The following SYT1 variants were observed in gnomAD, a reference collection of about 807,000 sequenced individuals.
SYT1 encodes synaptotagmin 1.
A neutral mutation model predicts 44.8 loss-of-function variants in SYT1; 8 were observed. The ratio of observed to expected loss-of-function variants is 0.18; its 90% CI spans 0.10 to 0.32. The LOEUF is 0.32. Ranked by LOEUF, SYT1 falls within the 10% of genes least tolerant of loss-of-function variation. The probability of loss-of-function intolerance (pLI) is 1.00; values close to 1 mark genes in which losing one functional copy is unlikely to be tolerated. For synonymous variants in SYT1, 154 were observed against 188.8 expected (o/e 0.82, Z 1.51); for missense variants, 286 against 509.3 (o/e 0.56, Z 4.22).
intron 3 of SYT1, among the ~76,000 whole-genome samples, chr12:79,134,983 C>T (rs536941162): frequency 8.8e-5 from 12 of 137,120 alleles, no homozygotes; most frequent in Admixed American, 2.1e-4. Flanking sequence ...TAAATGTTCT[C>T]ACCACACACA....
At chr12:78,877,258 A>G (rs959546805) in intron 1 of SYT1, among the ~76,000 whole-genome samples, 3 of 151,424 alleles carry the variant, frequency 2.0e-5, no homozygotes, top group African/African-American at 7.3e-5. Flanking sequence ...CGGTAGGCAA[A>G]GAGAGAGCAT....
intron 4 of SYT1, among the ~76,000 whole-genome samples, chr12:79,219,094 A>G (rs1240718626): frequency 1.3e-5 from 2 of 152,064 alleles, no homozygotes; most frequent in African/African-American, 4.8e-5. Flanking sequence ...TTTAATTTGC[A>G]TTGCCTTGAT....
intron 1 of SYT1, among the ~76,000 whole-genome samples, chr12:78,930,851 C>T (rs994603015): frequency 6.6e-6 from 1 of 151,822 alleles, no homozygotes; most frequent in Non-Finnish European, 1.5e-5. Flanking sequence ...GTCTCATTTT[C>T]CTCATCTGTT....
chr12:79,259,976 G>GA (rs1315908832), intron 4 of SYT1, among the ~76,000 whole-genome samples: 1 of 152,098 alleles, frequency 6.6e-6, no homozygotes, highest in African/African-American at 2.4e-5. Context: ...GAACTCTTAT[G>GA]AAAAAATTCA....
intron 1 of SYT1, among the ~76,000 whole-genome samples, chr12:78,911,107 G>A (rs1359131841): frequency 6.6e-6 from 1 of 152,040 alleles, no homozygotes; most frequent in Non-Finnish European, 1.5e-5. Context: ...CCAAGCTTCA[G>A]TGTTGTAAAT....
At chr12:79,190,507 C>T (rs376745325) in intron 3 of SYT1, among the ~76,000 whole-genome samples, 4 of 152,066 alleles carry the variant, frequency 2.6e-5, no homozygotes, top group Admixed American at 1.3e-4. Context: ...CCATAGCTGG[C>T]GAAAAGTATG....
At position 78,930,476 on chromosome 12, in the gene SYT1, A is replaced by T. The variant is rs118148196; in HGVS notation, c.-216-47323A>T. On this transcript the variant is annotated intron_variant, in intron 1 of 10. Coordinates refer to ENST00000261205, the MANE Select transcript of SYT1 (RefSeq NM_005639.3). ...AAAGTAACAAAGAAAACAAAAAGTC[A>T]AAAGTTGGGAAAAAAAAATAGATGG... Among the ~76,000 whole-genome samples, 446 of 152,078 alleles carry T rather than the reference A, an allele frequency of 2.9e-3. 1 individual carries two copies. Among genetic ancestry groups the T allele is most frequent in the South Asian group, 8.9e-3 (43 of 4,822 alleles).
chr12:79,209,858 C>T (rs1461127163), intron 3 of SYT1, among the ~76,000 whole-genome samples: 1 of 152,204 alleles, frequency 6.6e-6, no homozygotes, highest in Non-Finnish European at 1.5e-5. Flanking sequence ...CTAACACCTT[C>T]CATAATATCT....
intron 9 of SYT1, among the ~76,000 whole-genome samples, chr12:79,396,545 G>A (rs1884877524): frequency 6.6e-6 from 1 of 152,032 alleles, no homozygotes; most frequent in Admixed American, 6.6e-5. Flanking sequence ...TACAAAACAG[G>A]ATTAAATGAA....
intron 3 of SYT1, among the ~76,000 whole-genome samples, chr12:79,059,971 T>C (rs1875254331): frequency 6.6e-6 from 1 of 152,138 alleles, no homozygotes; most frequent in Non-Finnish European, 1.5e-5. Flanking sequence ...TGTGTAATGC[T>C]AAAACCTGTG....
At position 79,451,895 on chromosome 12, in the gene SYT1, T is replaced by C. The variant is rs1010924544; in HGVS notation, c.*2771T>C. 6.6e-6 allele frequency: 1 copy of C among 152,240 alleles called. No homozygotes were observed. The highest frequency in any genetic ancestry group is 2.4e-5 in the African/African-American group (1 of 41,456). 9.4% of individuals were successfully genotyped at this position (152,240 alleles called of 1,614,324 possible). A position where few individuals can be genotyped will look rare whatever the true frequency, so the allele number is the denominator to read the frequency against. ...TTTACCTTCATTTTTGATGAGGTGATTTAAATTTTGTTTCACTTTGTGTAG... is the reference window on the plus strand; with the variant it reads ...TTTACCTTCATTTTTGATGAGGTGACTTAAATTTTGTTTCACTTTGTGTAG... On this transcript the variant is annotated 3_prime_UTR_variant, in exon 11 of 11. Transcript: ENST00000261205.
At chr12:79,144,420 G>A (rs1261513432) in intron 3 of SYT1, among the ~76,000 whole-genome samples, 1 of 152,194 alleles carries the variant, frequency 6.6e-6, no homozygotes, top group African/African-American at 2.4e-5. Flanking sequence ...CGCCCAGAAG[G>A]GCATGTCTCA....
At chr12:79,346,991 G>A (rs1882636937) in intron 8 of SYT1, among the ~76,000 whole-genome samples, 2 of 151,710 alleles carry the variant, frequency 1.3e-5, no homozygotes, top group Non-Finnish European at 1.5e-5. Context: ...AAATCCAAGT[G>A]GGCTAGAATA....
At chr12:79,139,868 T>C (rs946829405) in intron 3 of SYT1, among the ~76,000 whole-genome samples, 8 of 152,216 alleles carry the variant, frequency 5.3e-5, no homozygotes, top group Admixed American at 6.5e-5. Flanking sequence ...AGTCCTCCAT[T>C]ACCAAATTGT....
chr12:79,209,705 C>T (rs1175669672), intron 3 of SYT1, among the ~76,000 whole-genome samples: 2 of 152,164 alleles, frequency 1.3e-5, no homozygotes, highest in Non-Finnish European at 2.9e-5. Context: ...GGCTGAAATC[C>T]TTATTCTTGA....
intron 3 of SYT1, among the ~76,000 whole-genome samples, chr12:79,060,265 A>G (rs993291034): frequency 6.6e-6 from 1 of 151,926 alleles, no homozygotes; most frequent in Admixed American, 6.6e-5. Flanking sequence ...TGTAACAAAA[A>G]GCTTTTATTT....
intron 8 of SYT1, among the ~76,000 whole-genome samples, chr12:79,326,381 G>A (rs1187175314): frequency 6.6e-6 from 1 of 152,186 alleles, no homozygotes; most frequent in Non-Finnish European, 1.5e-5. Flanking sequence ...ATATGATCAG[G>A]CAGAAGCTGA....
At chr12:79,096,994 T>C (rs1878170816) in intron 3 of SYT1, among the ~76,000 whole-genome samples, 1 of 151,972 alleles carries the variant, frequency 6.6e-6, no homozygotes, top group Non-Finnish European at 1.5e-5. Flanking sequence ...TGATAATTCC[T>C]AGATGCCATT....
At chr12:79,073,942 A>G (rs1876464148) in intron 3 of SYT1, among the ~76,000 whole-genome samples, 1 of 152,090 alleles carries the variant, frequency 6.6e-6, no homozygotes, top group Admixed American at 6.6e-5. Flanking sequence ...GGCCTTATTT[A>G]CCCTCACGTT....
Sources: allele counts gnomAD v4.1 joint callset (sites outside exome capture counted in the v4.1 genomes callset), GRCh38; gene constraint gnomAD v4.1.1; transcripts MANE v1.5; gene names NCBI Gene and HGNC (gene_info 2026-07-23, HGNC 2026-07-21).